Variants in GPR107 observed in about 807,000 individuals in gnomAD.
The protein encoded by GPR107 is protein GPR107.
A neutral mutation model predicts 75.5 loss-of-function variants in GPR107; 31 were observed. The ratio of observed to expected loss-of-function variants is 0.41; its 90% confidence interval spans 0.31 to 0.55. The LOEUF (loss-of-function observed/expected upper bound fraction) is 0.55. Ranked by LOEUF, GPR107 falls within the 20% of genes least tolerant of loss-of-function variation. The probability of loss-of-function intolerance (pLI) is 0.26; values close to 1 mark genes in which losing one functional copy is unlikely to be tolerated. For synonymous variants in GPR107, 267 were observed against 251.3 expected (o/e 1.06, Z -0.59); for missense variants, 572 against 665.7 (o/e 0.86, Z 1.55).
chr9:130,117,550 C>T (rs1481251201), intron 14 of GPR107, among the ~76,000 whole-genome samples: 1 of 152,180 alleles, frequency 6.6e-6, no homozygotes, highest in Non-Finnish European at 1.5e-5. Context: ...CTGTATCTGA[C>T]CACAAACGGG....
intron 1 of GPR107, among the ~76,000 whole-genome samples, chr9:130,070,775 T>C (rs1830184296): frequency 6.6e-6 from 1 of 152,094 alleles, no homozygotes; most frequent in Non-Finnish European, 1.5e-5. Flanking sequence ...TGGAGTGCAG[T>C]GGTGTAATCA....
At chr9:130,062,705 TTGTC>T (rs1829962473) in intron 1 of GPR107, among the ~76,000 whole-genome samples, 1 of 146,712 alleles carries the variant, frequency 6.8e-6, no homozygotes, top group African/African-American at 2.5e-5. Flanking sequence ...TTCCTTCCGT[TTGTC>T]TGTCCATCCG....
chr9:130,082,147 A>ATT (rs1426012434), intron 5 of GPR107, among the ~76,000 whole-genome samples: 1 of 152,184 alleles, frequency 6.6e-6, no homozygotes, highest in Non-Finnish European at 1.5e-5. Flanking sequence ...GGCACCAGCC[A>ATT]TTCATGAGGG....
At chr9:130,083,472 C>A in intron 5 of GPR107, 93 bp from the exon 6 acceptor site, 1 of 660,412 alleles carries the variant, frequency 1.5e-6, no homozygotes, top group Non-Finnish European at 2.4e-6. Context: ...TGATATTAGA[C>A]AAGCTGAAGC....
At chr9:130,062,582 T>C (rs1036463036) in intron 1 of GPR107, among the ~76,000 whole-genome samples, 20 of 151,904 alleles carry the variant, frequency 1.3e-4, no homozygotes, top group Non-Finnish European at 2.6e-4. Context: ...AGTTATGATA[T>C]AGCATGGTGG....
intron 4 of GPR107, among the ~76,000 whole-genome samples, chr9:130,077,886 C>T (rs890117439): frequency 6.6e-6 from 1 of 152,124 alleles, no homozygotes; most frequent in African/African-American, 2.4e-5. Context: ...AATGTTGAGG[C>T]CGGGCATGGT....
At chr9:130,069,921 T>G (rs7848902) in intron 1 of GPR107, among the ~76,000 whole-genome samples, 135,855 of 149,926 alleles carry the variant, frequency 0.91, 61,982 homozygotes, top group East Asian at 0.97. Flanking sequence ...GACCTAAGGG[T>G]ATCTGCCCAC....
chr9:130,099,358 A>G, intron 9 of GPR107, 99 bp from the exon 10 acceptor site: 1 of 719,662 alleles, frequency 1.4e-6, no homozygotes, highest in African/African-American at 1.8e-5. Context: ...CACAGATTAT[A>G]TTTCCTGTCT....
At position 130,104,485 on chromosome 9, in the gene GPR107, G is replaced by A. The variant is rs200527400; in HGVS notation, c.1197G>A (p.Leu399=). 14 of 1,605,022 alleles carry A rather than the reference G, an allele frequency of 8.7e-6. No individual in the cohort carries two copies. The highest frequency in any genetic ancestry group is 1.2e-5 in the Non-Finnish European group (14 of 1,176,658). The part of the protein sequence containing the change: ...STEEGTTEYG[L]WKDSLFLVDL... Reference sequence around the variant, plus strand: ...AGGAGGGCACGACTGAATATGGCTTGTGGAAGGACTCTCTATTTCTGGTCG... The same window carrying A: ...AGGAGGGCACGACTGAATATGGCTTATGGAAGGACTCTCTATTTCTGGTCG... The change falls in exon 13 of 18, where the codon TTG becomes TTA. Residue 399 remains leucine, a synonymous_variant. Transcript: ENST00000347136.
At chr9:130,123,442 T>G (rs1027691539) in intron 14 of GPR107, among the ~76,000 whole-genome samples, 1 of 151,732 alleles carries the variant, frequency 6.6e-6, no homozygotes, top group Non-Finnish European at 1.5e-5. Flanking sequence ...GACCTCATGA[T>G]CCACCCGCCT....
At chr9:130,087,247 A>G (rs1219226570) in intron 7 of GPR107, among the ~76,000 whole-genome samples, 1 of 152,022 alleles carries the variant, frequency 6.6e-6, no homozygotes, top group African/African-American at 2.4e-5. Context: ...TCTGTTGCCC[A>G]GGCTGGTCTT....
In GPR107 at chr9:130,135,096, A is replaced by AG. The variant is rs1461870766; in HGVS notation, c.1637dup (p.Glu547ArgfsTer72). 6.2e-7 allele frequency: 1 copy of AG among 1,607,568 alleles called. No homozygotes were observed. Among genetic ancestry groups the AG allele is most frequent in the Non-Finnish European group, 8.5e-7 (1 of 1,175,256 alleles). On this transcript the variant is annotated frameshift_variant, in exon 18 of 18. Coordinates refer to ENST00000347136, the MANE Select transcript of GPR107 (RefSeq NM_020960.5). LOFTEE classifies it high-confidence loss of function. Reference sequence around the variant, plus strand: ...GTGACCAACGGCTCCGTGGAGCCCCAGGGCGAGTGGGAAGGCGCCGTGTGA... The same window carrying AG: ...GTGACCAACGGCTCCGTGGAGCCCCAGGGGCGAGTGGGAAGGCGCCGTGTGA...
At position 130,063,150 on chromosome 9, in the gene GPR107, A is replaced by T. The variant is rs1328423009; in HGVS notation, c.141+9077A>T. Among the ~76,000 whole-genome samples the T allele has an allele frequency of 5.9e-5, 9 of 152,136 alleles. No homozygotes were observed. In the South Asian group the frequency reaches 1.7e-3, roughly 28 times the overall value. On this transcript the variant is annotated intron_variant, in intron 1 of 17. Transcript: ENST00000347136. ...TCTCTTTTAAGTGTGAATATCTATT[A>T]AGCAGCTGCTCTTTAGCATGTGTGT...
intron 1 of GPR107, among the ~76,000 whole-genome samples, chr9:130,059,269 C>T (rs1829869942): frequency 1.3e-5 from 2 of 152,136 alleles, no homozygotes; most frequent in African/African-American, 4.8e-5. Context: ...AGGTGGATCA[C>T]CTGAGGTCAG....
chr9:130,087,447 T>C (rs192757134), intron 7 of GPR107, among the ~76,000 whole-genome samples: 3 of 152,054 alleles, frequency 2.0e-5, no homozygotes, highest in Admixed American at 2.0e-4. Flanking sequence ...GTAGGCGGAT[T>C]GCTTGAGCCC....
At chr9:130,125,818 G>A (rs1349441417) in intron 15 of GPR107, among the ~76,000 whole-genome samples, 2 of 152,024 alleles carry the variant, frequency 1.3e-5, no homozygotes, top group South Asian at 4.1e-4. Context: ...GGGAGACCGA[G>A]GCGGGCAGAT....
intron 1 of GPR107, among the ~76,000 whole-genome samples, chr9:130,071,659 C>CATT (rs141460512): frequency 0.01 from 1,553 of 151,916 alleles, 25 homozygotes; most frequent in African/African-American, 0.035. Context: ...TTGTTATTAT[C>CATT]ATTATTATTA....
chr9:130,125,081 T>C, intron 15 of GPR107, 117 bp downstream of exon 15: 1 of 337,346 alleles, frequency 3.0e-6, no homozygotes, highest in Non-Finnish European at 5.3e-6. Flanking sequence ...AGCTGAGCAG[T>C]GTGGCTTGCT....
rs72759136 is a variant in GPR107 at position 130,116,564 on chromosome 9, C to T, written c.1307-8351C>T. ...AGGGTTGCGTCCCAAGTCTCACTGG[C>T]ATAGCTCACAGCATTGCGGCTGCAG... is the stretch of plus-strand genomic sequence containing the variant. On this transcript the variant is annotated intron_variant, in intron 14 of 17. Transcript: ENST00000347136. Among the ~76,000 whole-genome samples the T allele has an allele frequency of 8.8e-3, 1,335 of 152,316 alleles. 14 individuals carry two copies. Among genetic ancestry groups the T allele is most frequent in the Non-Finnish European group, 0.013 (856 of 68,030 alleles).
Sources: allele counts gnomAD v4.1 joint callset (sites outside exome capture counted in the v4.1 genomes callset), GRCh38; gene constraint gnomAD v4.1.1; transcripts MANE v1.5; gene names NCBI Gene and HGNC (gene_info 2026-07-23, HGNC 2026-07-21).